The following SALL2 variants were observed in gnomAD, a reference collection of about 807,000 sequenced individuals.
SALL2 encodes sal-like protein 2.
SALL2 carries 32 observed loss-of-function variants against 58.5 expected under a neutral mutation model. The ratio of observed to expected loss-of-function variants is 0.55; its 90% CI spans 0.41 to 0.74. SALL2 has a LOEUF of 0.74. Among genes scored for constraint, SALL2 ranks in the 30% least tolerant of loss-of-function variants. SALL2 has a pLI of 0.00. For synonymous variants in SALL2, 516 were observed against 513.6 expected (o/e 1.00, Z -0.06); for missense variants, 1,201 against 1,268.9 (o/e 0.95, Z 0.81).
In SALL2 at chr14:21,523,207, G is replaced by C; in HGVS notation, c.2515C>G (p.Pro839Ala). The C allele has an allele frequency of 6.2e-7, 1 of 1,614,090 alleles. No individual in the cohort carries two copies. Among genetic ancestry groups the C allele is most frequent in the South Asian group, 1.1e-5 (1 of 91,082 alleles). Reference protein sequence around the residue: ...TTQQSSLPPPPPPDSLDQPQP... With the variant: ...TTQQSSLPPPAPPDSLDQPQP... ...GGCTGATCCAGGCTGTCAGGTGGTG[G>C]TGGTGGTGGCAAAGAAGACTGTTGA... The change falls in exon 2 of 2, where the codon CCA becomes GCA. Residue 839 changes from proline (P) to alanine (A), a missense_variant. Coordinates refer to ENST00000537235, the MANE Select transcript of SALL2 (RefSeq NM_001364564.1). This position sits in a 1 kb window ranked among gnomAD's most constrained non-coding sequence, Gnocchi z 4.4.
chr14:21,536,509 T>C (rs1202926438), intron 1 of SALL2, among the ~76,000 whole-genome samples: 1 of 152,204 alleles, frequency 6.6e-6, no homozygotes, highest in African/African-American at 2.4e-5. Context: ...AGAGACGGTC[T>C]TCAGGTCTGA....
intron 1 of SALL2, among the ~76,000 whole-genome samples, chr14:21,534,222 C>G (rs1165113623): frequency 6.6e-6 from 1 of 152,086 alleles, no homozygotes; most frequent in African/African-American, 2.4e-5. Context: ...TCAAATAGAG[C>G]CACCTCATTT....
upstream of SALL2, among the ~76,000 whole-genome samples, chr14:21,529,648 AAAAAG>A (rs939645616): frequency 2.0e-5 from 3 of 152,026 alleles, no homozygotes; most frequent in African/African-American, 4.8e-5. Flanking sequence ...AGAAGAAAAA[AAAAAG>A]AAAAGAAAGT....
chr14:21,522,625 G>A lies in SALL2; in HGVS notation c.*79C>T. 6.7e-7 allele frequency: 1 copy of A among 1,488,822 alleles called. No individual in the cohort carries two copies. The highest frequency in any genetic ancestry group is 1.5e-5 in the South Asian group (1 of 67,108). 92.2% of individuals were successfully genotyped at this position (1,488,822 alleles called of 1,614,324 possible). ...ACTTAGAGAAAAAGACAAAATCAGGGCTCATAACTCTGGGAGGTCCTTTTG... is the reference window on the plus strand; with the variant it reads ...ACTTAGAGAAAAAGACAAAATCAGGACTCATAACTCTGGGAGGTCCTTTTG... On this transcript the variant is annotated 3_prime_UTR_variant, in exon 2 of 2. Coordinates refer to ENST00000537235, the MANE Select transcript of SALL2 (RefSeq NM_001364564.1).
In SALL2 at chr14:21,536,997, C is replaced by G. The variant is rs529644077; in HGVS notation, c.-149G>C. ...CCGGGGTGACCTGGTCTCGTCTCCC[C>G]CTTGGGTCCGAAGCCAATTGATGCC... On this transcript the variant is annotated 5_prime_UTR_variant, in exon 1 of 2. Transcript: ENST00000541965. 76 of 1,341,902 alleles carry G rather than the reference C, an allele frequency of 5.7e-5. No homozygotes were observed. The East Asian group carries it at 9.9e-4, about 17-fold the overall frequency. 83.1% of individuals were successfully genotyped at this position (1,341,902 alleles called of 1,614,324 possible).
rs1217286891 is a variant in SALL2 at position 21,525,887 on chromosome 14, CCCT to C, written c.67+171_67+173del. Among the ~76,000 whole-genome samples, 7 of 151,050 alleles carry C rather than the reference CCCT, an allele frequency of 4.6e-5. No individual in the cohort carries two copies. Among genetic ancestry groups the C allele is most frequent in the African/African-American group, 1.7e-4 (7 of 41,204 alleles). ...GGAGGGGGGCAAGAGCATGCTACTC[CCCT>C]CCTCAGCCACCCTCCCTTCCCCAGG... On this transcript the variant is annotated intron_variant, in intron 1 of 1. Transcript: ENST00000537235. This position sits in a 1 kb window ranked among gnomAD's most constrained non-coding sequence, Gnocchi z 4.4.
upstream of SALL2, among the ~76,000 whole-genome samples, chr14:21,529,643 A>AAAAAAGAAG (rs1421789895): frequency 7.0e-4 from 98 of 140,360 alleles, no homozygotes; most frequent in African/African-American, 2.8e-3. Context: ...AAAAAAGAAG[A>AAAAAAGAAG]AAAAAAAAAG....
At position 21,523,287 on chromosome 14, in the gene SALL2, G is replaced by C. The variant is rs146143257; in HGVS notation, c.2435C>G (p.Thr812Arg). 3.7e-6 allele frequency: 6 copies of C among 1,613,526 alleles called. No individual in the cohort carries two copies. In the African/African-American group the frequency reaches 4.0e-5, roughly 11 times the overall value. The change falls in exon 2 of 2, where the codon ACA becomes AGA. Residue 812 changes from threonine to arginine, a missense_variant. Thr to Arg is a moderately conservative substitution (Grantham distance 71). Around this residue, in one of 3 missense-constraint regions of SALL2, gnomAD observed 675 missense variants for 683.8 expected, o/e 0.99. Coordinates refer to ENST00000537235, the MANE Select transcript of SALL2 (RefSeq NM_001364564.1). The surrounding 1 kb of genome is among the most constrained non-coding windows in gnomAD (Gnocchi z 4.4). The stretch of plus-strand genomic sequence containing the variant: ...CCCAGCTGTGGCTGCTGCCGCCACT[G>C]TCCCCACCTCCTCCTCTGCCCCAGA... ...EASGAEEEVGTVAAAATAGKE... is the reference protein window; with the variant it reads ...EASGAEEEVGRVAAAATAGKE...
At chr14:21,530,688 C>T (rs1225585728), upstream of SALL2, among the ~76,000 whole-genome samples, 1 of 152,234 alleles carries the variant, frequency 6.6e-6, no homozygotes, top group African/African-American at 2.4e-5. Flanking sequence ...TAGCTCACTG[C>T]AGACTCTACC....
intron 1 of SALL2, among the ~76,000 whole-genome samples, chr14:21,535,427 T>C (rs1336204083): frequency 6.6e-6 from 1 of 152,114 alleles, no homozygotes; most frequent in Non-Finnish European, 1.5e-5. Context: ...TCCTGAGTTT[T>C]GGTCATACTA....
In SALL2 at chr14:21,524,850, C is replaced by T; in HGVS notation, c.872G>A (p.Gly291Glu). ...GGCAGGGGTGGGTTTGTGGCTTCGC[C>T]CAACCCCTCCAGCAGAGAAAGGATG... The part of the protein sequence containing the change: ...SQHPFSAGGV[G>E]RSHKPTPAPS... The change falls in exon 2 of 2, where the codon GGG becomes GAG. Residue 291 changes from glycine to glutamate, a missense_variant. Around this residue, in one of 3 missense-constraint regions of SALL2, gnomAD observed 467 missense variants for 468.9 expected, o/e 1.00. Transcript: ENST00000537235. 6.2e-7 allele frequency: 1 copy of T among 1,613,438 alleles called. No individual in the cohort carries two copies. Among genetic ancestry groups the T allele is most frequent in the South Asian group, 1.1e-5 (1 of 91,006 alleles).
Position 21,523,476 on chromosome 14 carries a change from T to A in SALL2, c.2246A>T (p.Gln749Leu), listed in dbSNP as rs375302264. Reference sequence around the variant, plus strand: ...TTCCGGTGATGGCTGCTGGGACTGCTGCTGGGGGAAACTCCGTGCCCCGGA... The same window carrying A: ...TTCCGGTGATGGCTGCTGGGACTGCAGCTGGGGGAAACTCCGTGCCCCGGA... ...TVSGARSFPQ[Q>L]QSQQPSPEEE... Residue 749 changes from glutamine to leucine, a missense_variant, in exon 2 of 2, where the codon CAG becomes CTG. Physicochemically the swap from Gln to Leu is moderately radical, Grantham distance 113. Coordinates refer to ENST00000537235, the MANE Select transcript of SALL2 (RefSeq NM_001364564.1). This position sits in a 1 kb window ranked among gnomAD's most constrained non-coding sequence, Gnocchi z 4.4. 1.9e-6 allele frequency: 3 copies of A among 1,614,200 alleles called. No individual in the cohort carries two copies. Among genetic ancestry groups the A allele is most frequent in the Non-Finnish European group, 2.5e-6 (3 of 1,180,040 alleles).
upstream of SALL2, chr14:21,526,397 G>C: frequency 2.9e-6 from 4 of 1,371,424 alleles, no homozygotes; most frequent in Non-Finnish European, 3.8e-6. Context: ...GCTGGGGAGG[G>C]AGGCGGGAGC....
chr14:21,524,513 G>T lies in SALL2; in HGVS notation c.1209C>A (p.Val403=). 5 of 1,614,242 alleles carry T rather than the reference G, an allele frequency of 3.1e-6. No homozygotes were observed. Among genetic ancestry groups the T allele is most frequent in the Non-Finnish European group, 4.2e-6 (5 of 1,180,050 alleles). ...CACGGGTGGTAAAACGGTTTCCACA[G>T]ACATTGCACTTATAGGGCCTCTCAC... ...HTGERPYKCN[V]CGNRFTTRGN... The change falls in exon 2 of 2, where the codon GTC becomes GTA. Residue 403 remains valine, a synonymous_variant. Coordinates refer to ENST00000537235, the MANE Select transcript of SALL2 (RefSeq NM_001364564.1).
chr14:21,532,171 G>A (rs1160413053), intron 1 of SALL2, among the ~76,000 whole-genome samples: 2 of 152,142 alleles, frequency 1.3e-5, no homozygotes, highest in Non-Finnish European at 2.9e-5. Context: ...AACATACTAA[G>A]TGCAATAAAG....
At position 21,523,681 on chromosome 14, in the gene SALL2, C is replaced by A; in HGVS notation, c.2041G>T (p.Ala681Ser). Reference sequence around the variant, plus strand: ...TTCTGTGCCCGGGCAGCTGGACTGGCCTTGTGGCCCACGAAATGTGCACGC... The same window carrying A: ...TTCTGTGCCCGGGCAGCTGGACTGGACTTGTGGCCCACGAAATGTGCACGC... ...NLRAHFVGHK[A>S]SPAARAQNSC... Residue 681 changes from alanine (A) to serine (S), a missense_variant, in exon 2 of 2, where the codon GCC becomes TCC. This residue lies in a region of SALL2 where 675 missense variants were observed against 683.8 expected (regional missense o/e 0.99). Transcript: ENST00000537235. The surrounding 1 kb of genome is among the most constrained non-coding windows in gnomAD (Gnocchi z 4.4). 6.2e-7 allele frequency: 1 copy of A among 1,614,186 alleles called. No individual in the cohort carries two copies. The highest frequency in any genetic ancestry group is 8.5e-7 in the Non-Finnish European group (1 of 1,180,044).
In SALL2 at chr14:21,521,528, A is replaced by G. The variant is rs924822857; in HGVS notation, c.*1176T>C. 6.1e-6 allele frequency: 1 copy of G among 162,644 alleles called. No individual in the cohort carries two copies. The highest frequency in any genetic ancestry group is 1.4e-5 in the Non-Finnish European group (1 of 73,922). 10.1% of individuals were successfully genotyped at this position (162,644 alleles called of 1,614,324 possible). ...CATGATCCCTGGTACACCTCTGCAC[A>G]CTATGTCACTATTAGCCCAAAAGAA... On this transcript the variant is annotated 3_prime_UTR_variant, in exon 2 of 2. Coordinates refer to ENST00000537235, the MANE Select transcript of SALL2 (RefSeq NM_001364564.1).
chr14:21,522,080 C>T lies in SALL2; in HGVS notation c.*624G>A. On this transcript the variant is annotated 3_prime_UTR_variant, in exon 2 of 2. Transcript: ENST00000537235. The stretch of plus-strand genomic sequence containing the variant: ...GAGGCTGAAATAGGAGGGGGGCTGT[C>T]TTCTCCTTGGCTTCCCTGGATCCCA... The T allele has an allele frequency of 6.3e-7, 1 of 1,597,710 alleles. No individual in the cohort carries two copies. The highest frequency in any genetic ancestry group is 8.5e-7 in the Non-Finnish European group (1 of 1,179,574).
chr14:21,533,999 G>T (rs1306701972), intron 1 of SALL2, among the ~76,000 whole-genome samples: 2 of 152,114 alleles, frequency 1.3e-5, no homozygotes, highest in Admixed American at 6.5e-5. Flanking sequence ...AGCATGCTCT[G>T]GGGTAGAAGG....
Sources: allele counts gnomAD v4.1 joint callset (sites outside exome capture counted in the v4.1 genomes callset), GRCh38; gene constraint gnomAD v4.1.1; regional missense constraint gnomAD v4.1.1; non-coding constraint Gnocchi (gnomAD v3.1); transcripts MANE v1.5; gene names NCBI Gene and HGNC (gene_info 2026-07-23, HGNC 2026-07-21).